Variants in PEMT observed in about 807,000 individuals in gnomAD.
PEMT encodes the protein phospholipid methyltransferase.
PEMT carries 23 observed loss-of-function variants against 27.4 expected under a neutral mutation model. That is an observed-to-expected ratio of 0.84 (90% confidence interval 0.60 to 1.19). The LOEUF (loss-of-function observed/expected upper bound fraction) is 1.19. PEMT is among the 50% of genes most tolerant of loss of function. The pLI, the probability that PEMT is intolerant of heterozygous loss-of-function variation, is 0.00. For missense variants in PEMT, 307 were observed against 310.1 expected, an observed-to-expected ratio of 0.99 and a Z score of 0.07; for synonymous variants, 137 against 139.1, an observed-to-expected ratio of 0.98 and a Z score of 0.11.
At chr17:17,542,992 A>C (rs866103520) in intron 2 of PEMT, among the ~76,000 whole-genome samples, 1 of 152,230 alleles carries the variant, frequency 6.6e-6, no homozygotes. Flanking sequence ...GCCTTCCCCC[A>C]GAGCATGGCC....
At chr17:17,583,653 AC>A (rs1912091958) in intron 1 of PEMT, among the ~76,000 whole-genome samples, 1 of 152,230 alleles carries the variant, frequency 6.6e-6, no homozygotes, top group Admixed American at 6.5e-5. Flanking sequence ...TACCTTCTGC[AC>A]AGAAGCAAGA....
chr17:17,554,541 G>A (rs530151579), intron 2 of PEMT, among the ~76,000 whole-genome samples: 19 of 152,354 alleles, frequency 1.2e-4, no homozygotes, highest in African/African-American at 4.6e-4. Flanking sequence ...CTGAGGCAAC[G>A]GAGCCGCTTC....
At chr17:17,520,921 C>T (rs571070195) in intron 3 of PEMT, among the ~76,000 whole-genome samples, 11 of 152,368 alleles carry the variant, frequency 7.2e-5, no homozygotes, top group African/African-American at 2.4e-4. Flanking sequence ...TGCCTGGCCA[C>T]GGAGGGGGAA....
rs187793131 is a variant in PEMT at position 17,578,978 on chromosome 17, A to G, written c.97-1951T>C. The stretch of plus-strand genomic sequence containing the variant: ...ACAAAAAATAAAAAAAATAAGTGTA[A>G]AGTCCATCAGAGCTGTGATCTTTCC... On this transcript the variant is annotated intron_variant, in intron 1 of 6. Coordinates refer to ENST00000255389, the MANE Select transcript of PEMT (RefSeq NM_148172.3). Among the ~76,000 whole-genome samples the G allele has an allele frequency of 5.1e-4, 77 of 152,338 alleles. 2 individuals are homozygous for G. The East Asian group carries it at 0.013, about 25-fold the overall frequency.
intron 2 of PEMT, among the ~76,000 whole-genome samples, chr17:17,555,527 C>T (rs1419373464): frequency 6.6e-6 from 1 of 152,218 alleles, no homozygotes; most frequent in Non-Finnish European, 1.5e-5. Flanking sequence ...GTGGGGGTGC[C>T]ATGTCCCTAC....
At chr17:17,522,575 G>A (rs899120304) in intron 2 of PEMT, among the ~76,000 whole-genome samples, 180 bp from the exon 3 acceptor site, 3 of 152,222 alleles carry the variant, frequency 2.0e-5, no homozygotes, top group Admixed American at 1.3e-4. Context: ...CCTAGAGCAA[G>A]TTCCACAGGG....
intron 3 of PEMT, among the ~76,000 whole-genome samples, chr17:17,515,703 G>A (rs1479898810): frequency 2.0e-5 from 3 of 152,152 alleles, no homozygotes; most frequent in Admixed American, 6.5e-5. Context: ...AGCACAGTCC[G>A]TCCATTCCAC....
At chr17:17,570,851 G>C (rs558858992) in intron 2 of PEMT, 1 of 985,418 alleles carries the variant, frequency 1.0e-6, no homozygotes, top group Admixed American at 6.1e-5. Flanking sequence ...GAGTCCGCGA[G>C]GGTACAGATC....
At chr17:17,545,072 G>T (rs1305161183) in intron 2 of PEMT, among the ~76,000 whole-genome samples, 1 of 152,198 alleles carries the variant, frequency 6.6e-6, no homozygotes, top group Non-Finnish European at 1.5e-5. Flanking sequence ...CCACCAAGGA[G>T]CTGTCTGGCC....
At chr17:17,542,702 G>A (rs1179381534) in intron 2 of PEMT, among the ~76,000 whole-genome samples, 2 of 152,198 alleles carry the variant, frequency 1.3e-5, no homozygotes, top group African/African-American at 4.8e-5. Context: ...TTTTCCACAT[G>A]CACAAGTCCA....
chr17:17,506,134 C>T, intron 6 of PEMT, 93 bp downstream of exon 6: 1 of 1,163,354 alleles, frequency 8.6e-7, no homozygotes, highest in South Asian at 1.5e-5. Context: ...GGCAGCCTGT[C>T]CTGAGCCTGC....
intron 2 of PEMT, among the ~76,000 whole-genome samples, chr17:17,553,603 G>A (rs536289572): frequency 3.3e-5 from 5 of 152,264 alleles, no homozygotes; most frequent in East Asian, 3.9e-4. Flanking sequence ...ATGGGCCCGC[G>A]TCCACCCAAT....
chr17:17,555,947 G>A (rs931148210), intron 2 of PEMT, among the ~76,000 whole-genome samples: 6 of 152,214 alleles, frequency 3.9e-5, no homozygotes, highest in African/African-American at 9.6e-5. Flanking sequence ...TGAATGCTCC[G>A]CTCCTTTCAC....
At chr17:17,564,605 C>T (rs1203805983) in intron 2 of PEMT, among the ~76,000 whole-genome samples, 3 of 152,122 alleles carry the variant, frequency 2.0e-5, no homozygotes, top group Non-Finnish European at 2.9e-5. Flanking sequence ...CAGAAACCCC[C>T]AAACCTCAGT....
At chr17:17,555,442 C>T (rs1286947661) in intron 2 of PEMT, among the ~76,000 whole-genome samples, 1 of 152,206 alleles carries the variant, frequency 6.6e-6, no homozygotes, top group Non-Finnish European at 1.5e-5. Flanking sequence ...GTGCCCTCCA[C>T]CTCAACAGTT....
intron 2 of PEMT, among the ~76,000 whole-genome samples, chr17:17,556,277 G>C (rs1199063922): frequency 6.6e-6 from 1 of 152,226 alleles, no homozygotes; most frequent in East Asian, 1.9e-4. Flanking sequence ...GCCCAAGAGA[G>C]AAGGGCCTGG....
intron 3 of PEMT, among the ~76,000 whole-genome samples, chr17:17,516,342 G>A (rs897660572): frequency 1.5e-4 from 22 of 151,508 alleles, no homozygotes; most frequent in African/African-American, 5.3e-4. Flanking sequence ...CCATCAAAGG[G>A]CTTGAATTTC....
chr17:17,544,284 CTTT>C (rs200066506), intron 2 of PEMT, among the ~76,000 whole-genome samples: 3 of 143,776 alleles, frequency 2.1e-5, no homozygotes, highest in Admixed American at 1.4e-4. Flanking sequence ...TTTTTCTTTT[CTTT>C]TTTTTTTTTT....
In PEMT at chr17:17,570,387, C is replaced by A; in HGVS notation, c.204+6533G>T. The A allele has an allele frequency of 7.1e-6, 3 of 422,890 alleles. 1 individual carries two copies. In the South Asian group the frequency reaches 2.9e-4, roughly 41 times the overall value. 26.2% of individuals were successfully genotyped at this position (422,890 alleles called of 1,614,324 possible). Reference sequence around the variant, plus strand: ...GGCAGCCATGGCCCTCAAGGGACATCAGGCAATGTCTGGAAACCACTCAGA... The same window carrying A: ...GGCAGCCATGGCCCTCAAGGGACATAAGGCAATGTCTGGAAACCACTCAGA... On this transcript the variant is annotated intron_variant, in intron 2 of 6. Transcript: ENST00000255389.
Sources: gnomAD v4.1 joint callset for allele counts (sites outside exome capture counted in the v4.1 genomes callset) on GRCh38, gnomAD v4.1.1 for gene constraint, MANE v1.5 for transcripts, NCBI Gene and HGNC (gene_info 2026-07-23, HGNC 2026-07-21) for gene names.